Variants in UBE2F observed in about 807,000 individuals in gnomAD.
UBE2F encodes the protein NEDD8-conjugating enzyme UBE2F.
UBE2F carries 5 observed loss-of-function variants against 29.6 expected under a neutral mutation model. The ratio of observed to expected loss-of-function variants is 0.17; its 90% CI spans 0.09 to 0.36. The LOEUF (loss-of-function observed/expected upper bound fraction) is 0.36, where lower values mean the gene tolerates loss of function less well. Ranked by LOEUF, UBE2F falls within the 10% of genes least tolerant of loss-of-function variation. The pLI is 1.00. For synonymous variants in UBE2F, 66 were observed against 81.8 expected, an observed-to-expected ratio of 0.81 and a Z score of 1.04; for missense variants, 141 against 228.5, an observed-to-expected ratio of 0.62 and a Z score of 2.47.
At chr2:238,001,136 C>T (rs1056559863) in intron 4 of UBE2F, among the ~76,000 whole-genome samples, 5 of 147,298 alleles carry the variant, frequency 3.4e-5, no homozygotes, top group African/African-American at 5.0e-5. Flanking sequence ...CTGGTTCAAG[C>T]GATTCTCCTG....
intron 6 of UBE2F, chr2:238,028,918 A>G (rs1488911402): frequency 4.3e-5 from 2 of 46,092 alleles, no homozygotes; most frequent in South Asian, 8.9e-4. Flanking sequence ...TTGGCAATAA[A>G]TTATACTTTT....
rs1042675810 is a variant in UBE2F, at chr2:238,026,455, A to G, written c.353+1043A>G. ...GGATCCCTTTCTCTTTTTTTTTGAG[A>G]TGGAGTCTCGCTTTGTTGCCCAGGC... On this transcript the variant is annotated intron_variant, in intron 6 of 9. Transcript: ENST00000272930. Among the ~76,000 whole-genome samples, 72 of 151,242 alleles carry G rather than the reference A, an allele frequency of 4.8e-4. 2 individuals carry two copies. The highest frequency in any genetic ancestry group is 1.7e-3 in the African/African-American group (71 of 41,150).
intron 5 of UBE2F, 34 bp from the exon 6 acceptor site, chr2:238,025,308 C>T (rs199953703): frequency 4.2e-5 from 66 of 1,584,862 alleles, no homozygotes; most frequent in South Asian, 1.5e-4. Flanking sequence ...CAGAGACTGT[C>T]GGCGTGATCT....
At chr2:238,017,134 T>C (rs750493896) in intron 5 of UBE2F, among the ~76,000 whole-genome samples, 2 of 152,228 alleles carry the variant, frequency 1.3e-5, no homozygotes, top group Non-Finnish European at 2.9e-5. Context: ...TGGTGGAACT[T>C]ACAGACCAAT....
intron 8 of UBE2F, chr2:238,035,459 G>C (rs905197878): frequency 2.1e-5 from 4 of 190,180 alleles, no homozygotes; most frequent in East Asian, 3.0e-4. Flanking sequence ...CCAGGGAAGG[G>C]GCCCAAAAAG....
Position 238,041,602 on chromosome 2 carries a change from G to C in UBE2F, c.*264G>C. 2.3e-6 allele frequency: 1 copy of C among 431,400 alleles called. No homozygotes were observed. The highest frequency in any genetic ancestry group is 4.3e-5 in the East Asian group (1 of 23,468). The allele number at this position is 431,400 out of a possible 1,614,324, so 26.7% of individuals were successfully genotyped here. A position where few individuals can be genotyped will look rare whatever the true frequency, so the allele number is the denominator to read the frequency against. ...TTAACATGTTTACTTTTTTGAACTT[G>C]TACTGTATAGGCTGTTGGTGAAATT... On this transcript the variant is annotated 3_prime_UTR_variant, in exon 10 of 10. Coordinates refer to ENST00000272930, the MANE Select transcript of UBE2F (RefSeq NM_080678.3).
At chr2:237,981,036 G>A (rs2063367618) in intron 2 of UBE2F, among the ~76,000 whole-genome samples, 1 of 152,222 alleles carries the variant, frequency 6.6e-6, no homozygotes, top group South Asian at 2.1e-4. Context: ...TCTATCAGAA[G>A]GAAGTTATGC....
Position 237,978,391 on chromosome 2 carries a change from G to A in UBE2F, c.118+5166G>A, listed in dbSNP as rs945558416. On this transcript the variant is annotated intron_variant, in intron 2 of 9. Transcript: ENST00000272930. ...CAGGAGCTTGTCCCTGGGGAGGGGT[G>A]CGAGGAAGGGCCAGTGGTATCTGCA... Among the ~76,000 whole-genome samples, 3 of 152,340 alleles carry A rather than the reference G, an allele frequency of 2.0e-5. No individual in the cohort carries two copies. In the East Asian group the frequency reaches 5.8e-4, roughly 29 times the overall value.
chr2:238,037,879 C>T (rs1175146082), intron 9 of UBE2F, among the ~76,000 whole-genome samples: 1 of 152,192 alleles, frequency 6.6e-6, no homozygotes, highest in Non-Finnish European at 1.5e-5. Flanking sequence ...AAAGTGATTA[C>T]TGCACCCGAC....
At chr2:238,020,970 G>A (rs80208013) in intron 5 of UBE2F, among the ~76,000 whole-genome samples, 2,928 of 152,338 alleles carry the variant, frequency 0.019, 87 homozygotes, top group African/African-American at 0.066. Context: ...GGGACGCCCA[G>A]AGGAGGAGCA....
In UBE2F at chr2:238,025,387, A is replaced by C; in HGVS notation, c.328A>C (p.Thr110Pro). 6.2e-7 allele frequency: 1 copy of C among 1,614,014 alleles called. No individual in the cohort carries two copies. The highest frequency in any genetic ancestry group is 8.5e-7 in the Non-Finnish European group (1 of 1,179,924). Reference protein sequence around the residue: ...CLTKIWHPNITETGEICLSLL... With the variant: ...CLTKIWHPNIPETGEICLSLL... ...GACCAAGATCTGGCACCCCAACATC[A>C]CAGAGACAGGGGAAATATGTCTGAG... The change falls in exon 6 of 10, where the codon ACA becomes CCA. Residue 110 changes from threonine (T) to proline (P), a missense_variant. Thr to Pro is a conservative substitution (Grantham distance 38). Transcript: ENST00000272930.
chr2:238,035,792 C>T (rs1447162604), intron 8 of UBE2F, 86 bp from the exon 9 acceptor site: 3 of 1,108,036 alleles, frequency 2.7e-6, no homozygotes, highest in Non-Finnish European at 4.0e-6. Context: ...GCTAATTAGA[C>T]TTCTCTTACT....
At chr2:238,011,693 A>C (rs2064033899) in intron 4 of UBE2F, among the ~76,000 whole-genome samples, 1 of 152,186 alleles carries the variant, frequency 6.6e-6, no homozygotes, top group Non-Finnish European at 1.5e-5. Context: ...TTGTGAATGA[A>C]TATTATTTTA....
chr2:238,000,987 AT>A (rs2063780690), intron 4 of UBE2F, among the ~76,000 whole-genome samples: 1 of 148,468 alleles, frequency 6.7e-6, no homozygotes, highest in Non-Finnish European at 1.5e-5. Context: ...ATTTAAAAAT[AT>A]GATTGATTGT....
Position 237,982,331 on chromosome 2 carries a change from A to G in UBE2F, c.119-5632A>G, listed in dbSNP as rs2063397390. On this transcript the variant is annotated intron_variant, in intron 2 of 9. Coordinates refer to ENST00000272930, the MANE Select transcript of UBE2F (RefSeq NM_080678.3). This position sits in a 1 kb window ranked among gnomAD's most constrained non-coding sequence, Gnocchi z 4.1. Reference sequence around the variant, plus strand: ...CCATTTCTTCCCACTCCTCCGCCCTACCACATCACAGTCTTAGCACTGGTC... The same window carrying G: ...CCATTTCTTCCCACTCCTCCGCCCTGCCACATCACAGTCTTAGCACTGGTC... Among the ~76,000 whole-genome samples the G allele has an allele frequency of 6.6e-6, 1 of 152,030 alleles. No individual in the cohort carries two copies. The highest frequency in any genetic ancestry group is 2.1e-4 in the South Asian group (1 of 4,828).
At chr2:238,035,553 A>G in intron 8 of UBE2F, 1 of 210,176 alleles carries the variant, frequency 4.8e-6, no homozygotes, top group Non-Finnish European at 9.4e-6. Context: ...GCTTAATAAT[A>G]GTGGTTTTCA....
At chr2:238,032,329 G>T in intron 8 of UBE2F, 75 bp downstream of exon 8, 2 of 1,271,406 alleles carry the variant, frequency 1.6e-6, no homozygotes, top group South Asian at 2.4e-5. Flanking sequence ...GTTAAGACAT[G>T]GTTTTAACAC....
At chr2:237,991,088 A>C (rs2063577781) in intron 3 of UBE2F, among the ~76,000 whole-genome samples, 1 of 152,236 alleles carries the variant, frequency 6.6e-6, no homozygotes, top group Non-Finnish European at 1.5e-5. Context: ...TGCATACCTT[A>C]GGTTTGAAAG....
intron 9 of UBE2F, among the ~76,000 whole-genome samples, chr2:238,036,952 A>G (rs2064725709): frequency 6.6e-6 from 1 of 152,142 alleles, no homozygotes; most frequent in South Asian, 2.1e-4. Context: ...ACATTCATAC[A>G]CACTTGACTT....
Sources: gnomAD v4.1 joint callset for allele counts (sites outside exome capture counted in the v4.1 genomes callset) on GRCh38, gnomAD v4.1.1 for gene constraint, Gnocchi (gnomAD v3.1) non-coding constraint, MANE v1.5 for transcripts, NCBI Gene and HGNC (gene_info 2026-07-23, HGNC 2026-07-21) for gene names.